The following PDE8A variants were observed in gnomAD, a reference collection of about 807,000 sequenced individuals.
The protein encoded by PDE8A is high affinity cAMP-specific and IBMX-insensitive 3',5'-cyclic phosphodiesterase 8A.
PDE8A carries 59 observed loss-of-function variants against 105.0 expected under a neutral mutation model. That is an observed-to-expected ratio of 0.56 (90% CI 0.46 to 0.70). The LOEUF is 0.70. Among genes scored for constraint, PDE8A ranks in the 30% least tolerant of loss-of-function variants. PDE8A has a pLI of 0.00. For synonymous variants in PDE8A, 355 were observed against 371.9 expected, an observed-to-expected ratio of 0.95 and a Z score of 0.52; for missense variants, 1,014 against 1,045.9, an observed-to-expected ratio of 0.97 and a Z score of 0.42.
intron 18 of PDE8A, among the ~76,000 whole-genome samples, chr15:85,121,387 C>T (rs753559884): frequency 7.9e-5 from 12 of 152,362 alleles, no homozygotes; most frequent in Non-Finnish European, 1.5e-4. Flanking sequence ...CACACCACTG[C>T]ACTCCAGCTT....
chr15:85,114,322 G>A (rs964548483), intron 14 of PDE8A, among the ~76,000 whole-genome samples: 1 of 152,170 alleles, frequency 6.6e-6, no homozygotes, highest in Non-Finnish European at 1.5e-5. Flanking sequence ...TTCTACAGTA[G>A]TTTATCTAAA....
At chr15:85,124,775 G>A (rs1221596817) in intron 19 of PDE8A, among the ~76,000 whole-genome samples, 1 of 152,086 alleles carries the variant, frequency 6.6e-6, no homozygotes, top group African/African-American at 2.4e-5. Context: ...TTCTGGATAG[G>A]GCTCATTGTC....
At chr15:85,077,600 GCAGT>G (rs1289027262) in intron 5 of PDE8A, among the ~76,000 whole-genome samples, 2 of 152,142 alleles carry the variant, frequency 1.3e-5, no homozygotes, top group Non-Finnish European at 2.9e-5. Context: ...GCAGCCGGCA[GCAGT>G]CAGTCAAAGC....
chr15:85,050,941 A>C (rs1225288035), intron 1 of PDE8A, among the ~76,000 whole-genome samples: 3 of 152,218 alleles, frequency 2.0e-5, no homozygotes, highest in Non-Finnish European at 4.4e-5. Context: ...GTAATTTGTG[A>C]ATGTGGGATA....
Position 85,137,869 on chromosome 15 carries a change from T to A in PDE8A, c.2456T>A (p.Met819Lys), listed in dbSNP as rs1302779652. 6 of 1,613,330 alleles carry A rather than the reference T, an allele frequency of 3.7e-6. No homozygotes were observed. The East Asian group carries it at 1.1e-4, about 30-fold the overall frequency. The change falls in exon 22 of 22, where the codon ATG becomes AAG. Residue 819 changes from methionine (M) to lysine (K), a missense_variant. Transcript: ENST00000394553. Reference sequence around the variant, plus strand: ...AAATACTGGAAAGGACTGGACGAAATGAAGCTGCGGAACCTCCGACCACCT... The same window carrying A: ...AAATACTGGAAAGGACTGGACGAAAAGAAGCTGCGGAACCTCCGACCACCT... ...NFKYWKGLDEMKLRNLRPPPE is the reference protein window; with the variant it reads ...NFKYWKGLDEKKLRNLRPPPE
At chr15:85,117,405 C>G (rs1185850012) in intron 16 of PDE8A, among the ~76,000 whole-genome samples, 1 of 152,152 alleles carries the variant, frequency 6.6e-6, no homozygotes, top group Non-Finnish European at 1.5e-5. Context: ...CCCAACGAGG[C>G]TGAGGTCAGA....
rs1022029976 is a variant in PDE8A, at chr15:85,057,265, G to A, written c.187-7105G>A. 3.9e-5 allele frequency among the ~76,000 whole-genome samples: 6 copies of A among 152,296 alleles called. No individual in the cohort carries two copies. The East Asian group carries it at 7.7e-4, about 20-fold the overall frequency. ...TAGGCTACTTGGGGGTCAGGGATCC[G>A]CTTGAGGAGGCAGACTGTCTGTTCT... On this transcript the variant is annotated intron_variant, in intron 1 of 21. Transcript: ENST00000394553.
chr15:85,030,788 A>G (rs2080602230), intron 1 of PDE8A, among the ~76,000 whole-genome samples: 1 of 152,176 alleles, frequency 6.6e-6, no homozygotes, highest in African/African-American at 2.4e-5. Context: ...TTCAAGATTT[A>G]ACCTCAGCAG....
intron 19 of PDE8A, 57 bp from the exon 20 acceptor site, chr15:85,126,150 G>T: frequency 7.6e-7 from 1 of 1,313,650 alleles, no homozygotes; most frequent in African/African-American, 1.5e-5. Flanking sequence ...ACCAGTAAGA[G>T]AGGGCTTGGC....
chr15:85,044,982 A>T (rs1234138336), intron 1 of PDE8A, among the ~76,000 whole-genome samples: 1 of 151,828 alleles, frequency 6.6e-6, no homozygotes, highest in Non-Finnish European at 1.5e-5. Context: ...GCCCCTGCTT[A>T]GCTGTAACCT....
intron 6 of PDE8A, among the ~76,000 whole-genome samples, chr15:85,087,724 A>G (rs886933594): frequency 6.6e-6 from 1 of 152,218 alleles, no homozygotes; most frequent in African/African-American, 2.4e-5. Flanking sequence ...TAAAGTGATG[A>G]TAAAGAATGA....
chr15:84,989,595 C>T (rs970318325), intron 1 of PDE8A, among the ~76,000 whole-genome samples: 1 of 152,192 alleles, frequency 6.6e-6, no homozygotes, highest in Non-Finnish European at 1.5e-5. Flanking sequence ...CAGGCTTTGG[C>T]TATGTGATAC....
At chr15:85,028,024 T>C (rs764629508) in intron 1 of PDE8A, among the ~76,000 whole-genome samples, 1 of 152,250 alleles carries the variant, frequency 6.6e-6, no homozygotes, top group Non-Finnish European at 1.5e-5. Flanking sequence ...GCTGGCAACA[T>C]TTAACTGTGG....
At chr15:85,136,182 G>A (rs2082406340) in intron 20 of PDE8A, among the ~76,000 whole-genome samples, 1 of 152,214 alleles carries the variant, frequency 6.6e-6, no homozygotes, top group African/African-American at 2.4e-5. Flanking sequence ...TGTAAACTCT[G>A]TATATTAATT....
chr15:85,099,428 T>G (rs1033091541), intron 9 of PDE8A, among the ~76,000 whole-genome samples: 5 of 152,256 alleles, frequency 3.3e-5, no homozygotes, highest in Admixed American at 3.3e-4. Flanking sequence ...TCTTTGCCCT[T>G]TTATGTCCTT....
chr15:85,083,241 T>C (rs1160899640), intron 5 of PDE8A, among the ~76,000 whole-genome samples: 1 of 152,226 alleles, frequency 6.6e-6, no homozygotes, highest in Non-Finnish European at 1.5e-5. Flanking sequence ...CCACATGTTC[T>C]AGCCTTGCTT....
At chr15:85,052,468 A>G (rs1487291657) in intron 1 of PDE8A, among the ~76,000 whole-genome samples, 1 of 152,144 alleles carries the variant, frequency 6.6e-6, no homozygotes, top group Non-Finnish European at 1.5e-5. Flanking sequence ...ATTTCTCCAC[A>G]TCCTCTCCAG....
intron 1 of PDE8A, among the ~76,000 whole-genome samples, chr15:85,056,785 T>C (rs1443492731): frequency 6.6e-6 from 1 of 152,124 alleles, no homozygotes; most frequent in Non-Finnish European, 1.5e-5. Flanking sequence ...AAGTTCGTTA[T>C]TACCGATTGT....
chr15:84,984,013 T>C (rs1337136929), intron 1 of PDE8A, among the ~76,000 whole-genome samples: 3 of 152,250 alleles, frequency 2.0e-5, no homozygotes, highest in Non-Finnish European at 4.4e-5. Flanking sequence ...GAAAATACTT[T>C]CATCCTTAAA....
Sources: allele counts gnomAD v4.1 joint callset (sites outside exome capture counted in the v4.1 genomes callset), GRCh38; gene constraint gnomAD v4.1.1; transcripts MANE v1.5; gene names NCBI Gene and HGNC (gene_info 2026-07-23, HGNC 2026-07-21).